TASP1: variants seen among roughly 807,000 people sequenced by gnomAD.
TASP1 encodes threonine aspartase 1.
In TASP1, 16 loss-of-function variants were observed where a neutral mutation model predicts 56.6. The observed-to-expected ratio is 0.28, with a 90% CI of 0.19 to 0.43. The LOEUF (loss-of-function observed/expected upper bound fraction) is 0.43. Among genes scored for constraint, TASP1 ranks in the 20% least tolerant of loss-of-function variants. TASP1 has a pLI of 1.00. For synonymous variants in TASP1, 179 were observed against 184.2 expected, an observed-to-expected ratio of 0.97 and a Z score of 0.23; for missense variants, 393 against 511.6, an observed-to-expected ratio of 0.77 and a Z score of 2.24.
chr20:13,582,533 G>C (rs2047163992), intron 5 of TASP1, among the ~76,000 whole-genome samples: 1 of 152,000 alleles, frequency 6.6e-6, no homozygotes, highest in Non-Finnish European at 1.5e-5. Flanking sequence ...GAAAAATGAA[G>C]AGTTATTTAC....
the TASP1 span, among the ~76,000 whole-genome samples, chr20:13,249,788 T>C: frequency 4.4e-5 from 2 of 45,642 alleles, no homozygotes; most frequent in Non-Finnish European, 7.3e-5. Context: ...GCGTTTTGTT[T>C]TGTTTTGTTT....
At chr20:13,481,366 G>A (rs981155188) in intron 11 of TASP1, among the ~76,000 whole-genome samples, 3 of 151,988 alleles carry the variant, frequency 2.0e-5, no homozygotes, top group African/African-American at 7.2e-5. Flanking sequence ...TATTGTGAAC[G>A]CTGCCACAAC....
chr20:13,272,667 T>C, the TASP1 span, among the ~76,000 whole-genome samples: 1 of 152,252 alleles, frequency 6.6e-6, no homozygotes, highest in African/African-American at 2.4e-5. Flanking sequence ...TGTATTGTTT[T>C]AATTGATAAA....
the TASP1 span, among the ~76,000 whole-genome samples, chr20:13,309,472 A>G: frequency 2.6e-4 from 39 of 152,296 alleles, no homozygotes; most frequent in Admixed American, 5.2e-4. Flanking sequence ...CATCATACTC[A>G]TCAGTGAAAA....
the TASP1 span, among the ~76,000 whole-genome samples, chr20:13,184,561 T>G: frequency 1.3e-5 from 2 of 152,192 alleles, no homozygotes; most frequent in African/African-American, 4.8e-5. Flanking sequence ...TTGTTAGTCT[T>G]AATTATTTCT....
At chr20:13,633,566 A>C (rs1342699579) in intron 1 of TASP1, among the ~76,000 whole-genome samples, 1 of 152,202 alleles carries the variant, frequency 6.6e-6, no homozygotes, top group African/African-American at 2.4e-5. Flanking sequence ...TTGAGGGGGA[A>C]GGAAATCATA....
chr20:13,418,085 T>C (rs1203971210), intron 12 of TASP1, among the ~76,000 whole-genome samples: 1 of 152,186 alleles, frequency 6.6e-6, no homozygotes, highest in East Asian at 1.9e-4. Flanking sequence ...GCTAATTTTG[T>C]ATTTTTAGTA....
At chr20:13,393,941 T>A (rs77025831) in intron 13 of TASP1, among the ~76,000 whole-genome samples, 2,698 of 152,172 alleles carry the variant, frequency 0.018, 79 homozygotes, top group African/African-American at 0.059. Flanking sequence ...CCAATCTGTT[T>A]GGCTGAAAAG....
In TASP1 at chr20:13,509,923, G is replaced by C. The variant is rs529330712; in HGVS notation, c.874+18510C>G. Among the ~76,000 whole-genome samples the C allele has an allele frequency of 1.6e-4, 24 of 152,202 alleles. No individual in the cohort carries two copies. The Middle Eastern group carries it at 0.01, about 65-fold the overall frequency. ...TTACAGGCGTGAGCCACCACGTCTG[G>C]CCTTGTAATTCTTGTTGTAGAGATC... On this transcript the variant is annotated intron_variant, in intron 10 of 13. Transcript: ENST00000337743.
chr20:13,243,521 G>A, the TASP1 span, among the ~76,000 whole-genome samples: 2 of 152,090 alleles, frequency 1.3e-5, no homozygotes, highest in Non-Finnish European at 2.9e-5. Flanking sequence ...CCACACTTAG[G>A]GCTGTCCTCT....
rs2041278000 is a variant in TASP1 at position 13,451,705 on chromosome 20, T to C, written c.986-16551A>G. Among the ~76,000 whole-genome samples the C allele has an allele frequency of 2.0e-5, 3 of 152,118 alleles. No individual in the cohort carries two copies. The South Asian group carries it at 6.2e-4, about 31-fold the overall frequency. On this transcript the variant is annotated intron_variant, in intron 11 of 13. Coordinates refer to ENST00000337743, the MANE Select transcript of TASP1 (RefSeq NM_017714.3). ...CAGATGTTCTATCCCCATACCAAGC[T>C]GTTTCACTTCCTTATCATCTGTGTG... is the stretch of plus-strand genomic sequence containing the variant.
At chr20:13,450,235 G>T (rs949055218) in intron 11 of TASP1, among the ~76,000 whole-genome samples, 2 of 152,036 alleles carry the variant, frequency 1.3e-5, no homozygotes, top group Non-Finnish European at 2.9e-5. Context: ...TCCTTTTGCT[G>T]GTGGGCGGTC....
intron 4 of TASP1, among the ~76,000 whole-genome samples, chr20:13,617,513 T>G (rs1420736874): frequency 4.6e-5 from 7 of 152,170 alleles, no homozygotes. Context: ...TACGTAAATG[T>G]GAGCTAAATG....
chr20:13,156,742 A>C, the TASP1 span, among the ~76,000 whole-genome samples: 2,269 of 152,334 alleles, frequency 0.015, 19 homozygotes, highest in Non-Finnish European at 0.023. Context: ...AGTAGTTGGC[A>C]TGCCATAAGC....
At chr20:13,151,603 C>T in the TASP1 span, among the ~76,000 whole-genome samples, 1 of 152,208 alleles carries the variant, frequency 6.6e-6, no homozygotes, top group Non-Finnish European at 1.5e-5. Context: ...CATCCTCCTC[C>T]TTGGTCTGTG....
chr20:13,636,140 C>CT (rs36048272), intron 1 of TASP1, among the ~76,000 whole-genome samples: 1,616 of 98,012 alleles, frequency 0.016, 12 homozygotes, highest in Non-Finnish European at 0.022. Flanking sequence ...TGTGTTGTTG[C>CT]TTTTTTTTTT....
At chr20:13,491,370 G>A (rs1017606458) in intron 10 of TASP1, among the ~76,000 whole-genome samples, 7 of 152,002 alleles carry the variant, frequency 4.6e-5, no homozygotes, top group Non-Finnish European at 8.8e-5. Context: ...ACACTCCTGC[G>A]TTCACAATAC....
chr20:13,319,690 T>C, the TASP1 span, among the ~76,000 whole-genome samples: 20 of 152,348 alleles, frequency 1.3e-4, no homozygotes, highest in Non-Finnish European at 2.8e-4. Context: ...GGGTTAAGTT[T>C]TGGCTACAGG....
intron 1 of TASP1, among the ~76,000 whole-genome samples, chr20:13,637,248 C>T (rs2049342063): frequency 6.6e-6 from 1 of 152,164 alleles, no homozygotes; most frequent in South Asian, 2.1e-4. Context: ...GATAAGTGCT[C>T]CCAAGGATAT....
Sources: gnomAD v4.1 joint callset for allele counts (sites outside exome capture counted in the v4.1 genomes callset) on GRCh38, gnomAD v4.1.1 for gene constraint, MANE v1.5 for transcripts, NCBI Gene and HGNC (gene_info 2026-07-23, HGNC 2026-07-21) for gene names.